The following CEP112 variants were observed in gnomAD, a reference collection of about 807,000 sequenced individuals.
CEP112 encodes centrosomal protein 112.
Under a neutral mutation model 153.0 loss-of-function variants are expected in CEP112, and 127 were observed. The ratio of observed to expected loss-of-function variants is 0.83; its 90% CI spans 0.72 to 0.96. The LOEUF (loss-of-function observed/expected upper bound fraction) is 0.96. Among genes scored for constraint, CEP112 ranks in the 40% least tolerant of loss-of-function variants. The pLI is 0.00. For missense variants in CEP112, 1,089 were observed against 1,101.2 expected (o/e 0.99, Z 0.16); for synonymous variants, 358 against 374.4 (o/e 0.96, Z 0.51).
intron 22 of CEP112, among the ~76,000 whole-genome samples, chr17:65,749,451 T>C (rs1270091580): frequency 6.6e-6 from 1 of 151,756 alleles, no homozygotes; most frequent in East Asian, 1.9e-4. Flanking sequence ...GAGCTTGCAG[T>C]GAGCCGAGAT....
At chr17:66,125,650 CAT>C (rs919052808) in intron 6 of CEP112, among the ~76,000 whole-genome samples, 1 of 151,912 alleles carries the variant, frequency 6.6e-6, no homozygotes, top group African/African-American at 2.4e-5. Flanking sequence ...CCCAACTAAT[CAT>C]ACCACAAAGT....
At chr17:65,940,686 T>C (rs780102075) in intron 18 of CEP112, among the ~76,000 whole-genome samples, 6 of 152,014 alleles carry the variant, frequency 3.9e-5, no homozygotes, top group Non-Finnish European at 5.9e-5. Flanking sequence ...TCTAAAAAAG[T>C]TGAACTCAGA....
At chr17:65,660,462 CCTTCCTTCCTTCCTTCCT>C (rs2046326301) in intron 24 of CEP112, among the ~76,000 whole-genome samples, 2 of 2,876 alleles carry the variant, frequency 7.0e-4, no homozygotes, top group African/African-American at 0.013. Context: ...TTCTCTCTCT[CCTTCCTTCCTTCCTTCCT>C]TCCTTCCTTC....
chr17:66,006,426 T>A (rs1433608432), intron 16 of CEP112, among the ~76,000 whole-genome samples: 1 of 152,042 alleles, frequency 6.6e-6, no homozygotes, highest in African/African-American at 2.4e-5. Flanking sequence ...ACCAACATGA[T>A]GAAACCCTGT....
chr17:66,003,391 T>C (rs1471582738), intron 17 of CEP112, among the ~76,000 whole-genome samples: 5 of 152,200 alleles, frequency 3.3e-5, no homozygotes, highest in Admixed American at 2.6e-4. Context: ...AGATACTATA[T>C]TGTTATATAC....
chr17:65,930,461 T>C (rs573600097), intron 18 of CEP112, among the ~76,000 whole-genome samples: 6 of 152,332 alleles, frequency 3.9e-5, no homozygotes, highest in African/African-American at 1.4e-4. Context: ...GAAGTTTGAA[T>C]GCCCTCTAGA....
At chr17:65,647,703 A>C (rs933490744) in intron 24 of CEP112, among the ~76,000 whole-genome samples, 3 of 150,496 alleles carry the variant, frequency 2.0e-5, no homozygotes, top group African/African-American at 4.9e-5. Context: ...GGCTGGTCTC[A>C]AACTCCTGGG....
intron 8 of CEP112, among the ~76,000 whole-genome samples, chr17:66,072,848 C>A (rs1401763756): frequency 6.6e-6 from 1 of 152,026 alleles, no homozygotes; most frequent in African/African-American, 2.4e-5. Flanking sequence ...GTATTATGTA[C>A]AACTAGGGCA....
intron 17 of CEP112, among the ~76,000 whole-genome samples, chr17:65,975,009 A>G (rs538963527): frequency 6.6e-6 from 1 of 152,366 alleles, no homozygotes; most frequent in South Asian, 2.1e-4. Context: ...TGAACTACAA[A>G]CAGAAACAAA....
chr17:65,684,686 C>T (rs2047694544), intron 24 of CEP112, among the ~76,000 whole-genome samples: 1 of 152,170 alleles, frequency 6.6e-6, no homozygotes. Flanking sequence ...TCTGTACCTG[C>T]ACCCGAGTGA....
rs537757154 is a variant in CEP112, at chr17:66,184,937, T to G, written c.-8-1630A>C. Among the ~76,000 whole-genome samples the G allele has an allele frequency of 7.2e-5, 11 of 152,210 alleles. No homozygotes were observed. The South Asian group carries it at 2.1e-3, about 29-fold the overall frequency. ...ATGAACTGCTGATACACACAAAACATGGAAACTTCAAATCCTTATGCTAAG... is the reference window on the plus strand; with the variant it reads ...ATGAACTGCTGATACACACAAAACAGGGAAACTTCAAATCCTTATGCTAAG... On this transcript the variant is annotated intron_variant, in intron 1 of 26. Coordinates refer to ENST00000535342, the MANE Select transcript of CEP112 (RefSeq NM_001199165.4).
chr17:65,707,364 A>G (rs1489362351), intron 23 of CEP112, among the ~76,000 whole-genome samples: 2 of 152,182 alleles, frequency 1.3e-5, no homozygotes, highest in Non-Finnish European at 2.9e-5. Flanking sequence ...AGTCATGGCC[A>G]TCTTTTACCT....
At chr17:66,156,668 C>A (rs1359506012) in intron 4 of CEP112, among the ~76,000 whole-genome samples, 3 of 152,010 alleles carry the variant, frequency 2.0e-5, no homozygotes, top group Non-Finnish European at 4.4e-5. Context: ...CTAGAATAAC[C>A]AGTTTAGAGA....
chr17:65,719,385 G>A (rs551395336), intron 23 of CEP112, among the ~76,000 whole-genome samples: 3 of 152,130 alleles, frequency 2.0e-5, no homozygotes, highest in Non-Finnish European at 4.4e-5. Context: ...GACCTGCCTG[G>A]CCAACATGTT....
chr17:65,902,286 G>A lies in CEP112; in HGVS notation c.2029C>T (p.Gln677Ter), dbSNP rs1195314389. 1.2e-6 allele frequency: 2 copies of A among 1,613,832 alleles called. No homozygotes were observed. The highest frequency in any genetic ancestry group is 1.7e-6 in the Non-Finnish European group (2 of 1,179,942). Residue 677 changes from glutamine (Q) to a stop codon, truncating the protein, a stop_gained, in exon 20 of 27, where the codon CAG (glutamine) becomes TAG (stop). Transcript: ENST00000535342. LOFTEE classifies it high-confidence loss of function. ...CTATCCTTCTCTGCGTTATGCTGCT[G>A]TAATAGGTGCGTCTTCTCCTGTTCA... ...EHEQEKTHLL[Q>*]QHNAEKDSLV...
At chr17:66,173,695 T>C (rs1479813736) in intron 4 of CEP112, among the ~76,000 whole-genome samples, 3 of 152,206 alleles carry the variant, frequency 2.0e-5, no homozygotes, top group Non-Finnish European at 4.4e-5. Flanking sequence ...TATAAAAAGA[T>C]TGCTTCAAAG....
intron 21 of CEP112, among the ~76,000 whole-genome samples, chr17:65,811,828 T>A (rs966098071): frequency 5.3e-5 from 8 of 152,176 alleles, no homozygotes. Context: ...AACCGAAAAC[T>A]AAAGAGCCTG....
rs539298175 is a variant in CEP112, at chr17:66,164,328, C to T, written c.470+10716G>A. ...ATCCCAGCACTTTGGGAGGCCAAGG[C>T]GGGAGGACCATTTGAGGTCAAGAGT... On this transcript the variant is annotated intron_variant, in intron 4 of 26. Coordinates refer to ENST00000535342, the MANE Select transcript of CEP112 (RefSeq NM_001199165.4). Among the ~76,000 whole-genome samples the T allele has an allele frequency of 5.7e-4, 86 of 152,132 alleles. 1 individual carries two copies. Among genetic ancestry groups the T allele is most frequent in the African/African-American group, 2.0e-3 (81 of 41,520 alleles).
intron 24 of CEP112, among the ~76,000 whole-genome samples, chr17:65,646,870 A>T (rs1189812078): frequency 6.6e-6 from 1 of 152,216 alleles, no homozygotes; most frequent in Admixed American, 6.5e-5. Context: ...CTAGTCAGCG[A>T]TCTTTTTAAA....
Sources: allele counts gnomAD v4.1 joint callset (sites outside exome capture counted in the v4.1 genomes callset), GRCh38; gene constraint gnomAD v4.1.1; transcripts MANE v1.5; gene names NCBI Gene and HGNC (gene_info 2026-07-23, HGNC 2026-07-21).